Variants in TCF7L1 observed in about 807,000 individuals in gnomAD.
The protein encoded by TCF7L1 is transcription factor 7-like 1.
A neutral mutation model predicts 63.7 loss-of-function variants in TCF7L1; 18 were observed. The observed-to-expected ratio is 0.28, with a 90% CI of 0.20 to 0.42. The LOEUF (loss-of-function observed/expected upper bound fraction) is 0.42. TCF7L1 is among the 10% of genes least tolerant of loss of function. TCF7L1 has a pLI of 1.00. For missense variants in TCF7L1, 654 were observed against 779.3 expected, an observed-to-expected ratio of 0.84 and a Z score of 1.91; for synonymous variants, 355 against 340.9, an observed-to-expected ratio of 1.04 and a Z score of -0.46.
At chr2:85,268,808 G>T (rs72840029) in intron 3 of TCF7L1, among the ~76,000 whole-genome samples, 7,847 of 151,694 alleles carry the variant, frequency 0.052, 281 homozygotes, top group Non-Finnish European at 0.078. Flanking sequence ...TCCCCAAAGA[G>T]CTTAGGGGAA....
intron 3 of TCF7L1, among the ~76,000 whole-genome samples, chr2:85,151,135 A>G (rs1415713957): frequency 6.6e-6 from 1 of 152,228 alleles, no homozygotes; most frequent in Non-Finnish European, 1.5e-5. Context: ...TGATTTATCA[A>G]GAAACTATAC....
At chr2:85,304,118 G>GC in intron 6 of TCF7L1, 121 bp downstream of exon 6, 1 of 1,186,300 alleles carries the variant, frequency 8.4e-7, no homozygotes, top group East Asian at 2.4e-5. Context: ...AGGCCTCCCT[G>GC]CCCCCGCCCA....
At chr2:85,206,451 TA>T (rs1679412081) in intron 3 of TCF7L1, among the ~76,000 whole-genome samples, 1 of 152,240 alleles carries the variant, frequency 6.6e-6, no homozygotes, top group Non-Finnish European at 1.5e-5. Context: ...TACAAAACAG[TA>T]ATCTCTGCCA....
intron 3 of TCF7L1, among the ~76,000 whole-genome samples, chr2:85,253,921 A>T (rs1680647552): frequency 6.6e-6 from 1 of 152,362 alleles, no homozygotes; most frequent in Admixed American, 6.5e-5. Context: ...GCCAGACCCC[A>T]CTGTCATGTG....
chr2:85,145,222 G>C (rs1677853128), intron 3 of TCF7L1, among the ~76,000 whole-genome samples: 1 of 152,136 alleles, frequency 6.6e-6, no homozygotes, highest in South Asian at 2.1e-4. Flanking sequence ...AGCCATCCTA[G>C]AGACCTGGGT....
At chr2:85,205,045 A>C (rs927053963) in intron 3 of TCF7L1, 2 of 152,214 alleles carry the variant, frequency 1.3e-5, no homozygotes, top group African/African-American at 2.4e-5. Flanking sequence ...CAACATATTT[A>C]GAGATAGAAA....
At chr2:85,213,777 C>T (rs1340293927) in intron 3 of TCF7L1, 1 of 152,266 alleles carries the variant, frequency 6.6e-6, no homozygotes, top group Non-Finnish European at 1.5e-5. Flanking sequence ...CCCCTCCTCC[C>T]AGCACCCAGG....
chr2:85,250,371 G>A (rs1177032037), intron 3 of TCF7L1, among the ~76,000 whole-genome samples: 1 of 152,130 alleles, frequency 6.6e-6, no homozygotes, highest in African/African-American at 2.4e-5. Flanking sequence ...ACAGGAATTG[G>A]TAACTGGGCC....
intron 3 of TCF7L1, among the ~76,000 whole-genome samples, chr2:85,242,343 T>G (rs930756528): frequency 2.0e-5 from 3 of 152,204 alleles, no homozygotes; most frequent in Non-Finnish European, 4.4e-5. Flanking sequence ...TCCACACTTT[T>G]CCATTTGTGA....
intron 3 of TCF7L1, chr2:85,262,339 C>T (rs1680878125): frequency 8.0e-6 from 4 of 498,576 alleles, no homozygotes; most frequent in South Asian, 6.6e-5. Context: ...AAGAGCACAC[C>T]CGCACGCTGC....
At chr2:85,195,180 C>T (rs1679126779) in intron 3 of TCF7L1, among the ~76,000 whole-genome samples, 1 of 152,266 alleles carries the variant, frequency 6.6e-6, no homozygotes, top group Non-Finnish European at 1.5e-5. Context: ...CCTACATTTT[C>T]TCATCTGTAA....
At chr2:85,138,074 G>A (rs1677637174) in intron 3 of TCF7L1, among the ~76,000 whole-genome samples, 1 of 152,068 alleles carries the variant, frequency 6.6e-6, no homozygotes, top group Non-Finnish European at 1.5e-5. Flanking sequence ...ATGACATTTT[G>A]GAAAGAAACA....
intron 3 of TCF7L1, among the ~76,000 whole-genome samples, chr2:85,196,537 A>G (rs1558630810): frequency 7.0e-6 from 1 of 142,996 alleles, no homozygotes; most frequent in African/African-American, 2.6e-5. Flanking sequence ...CATCAGGACT[A>G]TTTTTTTTTT....
At chr2:85,275,549 G>A (rs1482929609) in intron 3 of TCF7L1, among the ~76,000 whole-genome samples, 1 of 152,180 alleles carries the variant, frequency 6.6e-6, no homozygotes, top group Non-Finnish European at 1.5e-5. Context: ...TGCTACCAGT[G>A]CATGGGCTTT....
intron 7 of TCF7L1, among the ~76,000 whole-genome samples, chr2:85,304,725 TA>T (rs1386454621): frequency 6.6e-6 from 1 of 152,236 alleles, no homozygotes; most frequent in African/African-American, 2.4e-5. Flanking sequence ...TATCCAGACA[TA>T]ACCCCATCTA....
chr2:85,173,926 A>C (rs1678614900), intron 3 of TCF7L1, among the ~76,000 whole-genome samples: 1 of 152,016 alleles, frequency 6.6e-6, no homozygotes, highest in Non-Finnish European at 1.5e-5. Flanking sequence ...TAGTAGAGAC[A>C]AGGTTTCACC....
chr2:85,286,440 G>A (rs1298556375), intron 4 of TCF7L1, among the ~76,000 whole-genome samples: 1 of 152,098 alleles, frequency 6.6e-6, no homozygotes, highest in African/African-American at 2.4e-5. Flanking sequence ...ACTTTGGGAG[G>A]CCAAGGAGGG....
At chr2:85,170,539 T>A (rs1409660216) in intron 3 of TCF7L1, among the ~76,000 whole-genome samples, 1 of 152,190 alleles carries the variant, frequency 6.6e-6, no homozygotes, top group Non-Finnish European at 1.5e-5. Context: ...TGGTTCCTTT[T>A]GCCACTGCCT....
At chr2:85,289,221 AGTGTGTGTGTGTGT>A (rs10701623) in intron 4 of TCF7L1, among the ~76,000 whole-genome samples, 14 of 146,518 alleles carry the variant, frequency 9.6e-5, no homozygotes, top group African/African-American at 3.3e-4. Context: ...TTCAGTCTGG[AGTGTGTGTGTGTGT>A]GTGTGTGTGT....
Sources: gnomAD v4.1 joint callset for allele counts (sites outside exome capture counted in the v4.1 genomes callset) on GRCh38, gnomAD v4.1.1 for gene constraint, MANE v1.5 for transcripts, NCBI Gene and HGNC (gene_info 2026-07-23, HGNC 2026-07-21) for gene names.